TSGA10: variants seen among roughly 807,000 people sequenced by gnomAD.
TSGA10 encodes testis-specific gene 10 protein.
TSGA10 carries 43 observed loss-of-function variants against 96.6 expected under a neutral mutation model. The observed-to-expected ratio is 0.44, with a 90% CI of 0.35 to 0.57. The LOEUF is 0.57. TSGA10 is among the 20% of genes least tolerant of loss of function. TSGA10 has a pLI of 0.01. For synonymous variants in TSGA10, 229 were observed against 269.9 expected (o/e 0.85, Z 1.48); for missense variants, 703 against 834.4 (o/e 0.84, Z 1.94).
At chr2:99,152,122 C>T (rs1043315288) in intron 1 of TSGA10, among the ~76,000 whole-genome samples, 1 of 152,116 alleles carries the variant, frequency 6.6e-6, no homozygotes, top group African/African-American at 2.4e-5. Context: ...GTGCTTGGTG[C>T]TGGAGATACA....
chr2:99,142,377 G>A (rs1468441742), intron 1 of TSGA10: 1 of 152,172 alleles, frequency 6.6e-6, no homozygotes. Context: ...CGTTTGAGGA[G>A]ACTAACAATT....
At chr2:99,075,861 T>C (rs1233837983) in intron 12 of TSGA10, among the ~76,000 whole-genome samples, 1 of 152,196 alleles carries the variant, frequency 6.6e-6, no homozygotes, top group East Asian at 1.9e-4. Context: ...TGCTTCTAAA[T>C]GTTAGTGTTG....
intron 7 of TSGA10, among the ~76,000 whole-genome samples, chr2:99,108,321 G>T (rs939224626): frequency 6.6e-6 from 1 of 152,060 alleles, no homozygotes; most frequent in Non-Finnish European, 1.5e-5. Flanking sequence ...ACTTTTAAAA[G>T]AAGTTATATG....
chr2:99,057,814 G>C (rs939484448), intron 16 of TSGA10, among the ~76,000 whole-genome samples: 1 of 152,092 alleles, frequency 6.6e-6, no homozygotes, highest in African/African-American at 2.4e-5. Context: ...TGAAAACAAA[G>C]CAGGAGGACT....
chr2:99,025,648 CCT>C (rs913640273), intron 17 of TSGA10, among the ~76,000 whole-genome samples: 69 of 152,124 alleles, frequency 4.5e-4, no homozygotes, highest in African/African-American at 1.6e-3. Context: ...TAGTTTGTTC[CCT>C]TTTTCCAGTG....
intron 12 of TSGA10, among the ~76,000 whole-genome samples, chr2:99,075,451 A>C (rs2104547914): frequency 1.3e-5 from 2 of 152,286 alleles, no homozygotes; most frequent in Middle Eastern, 3.4e-3. Flanking sequence ...TTTAATTGGT[A>C]GCAAGTAGTA....
intron 10 of TSGA10, among the ~76,000 whole-genome samples, chr2:99,090,961 G>A (rs752855801): frequency 1.2e-4 from 18 of 152,082 alleles, no homozygotes; most frequent in Non-Finnish European, 2.1e-4. Flanking sequence ...CATCACCTAG[G>A]CACATAGTCA....
At chr2:99,058,385 G>GACCT (rs2084244594) in intron 16 of TSGA10, among the ~76,000 whole-genome samples, 1 of 152,034 alleles carries the variant, frequency 6.6e-6, no homozygotes, top group Non-Finnish European at 1.5e-5. Context: ...GCTTAGAAAA[G>GACCT]AAGAATGGGC....
chr2:99,132,725 G>C (rs1416120903), intron 1 of TSGA10, among the ~76,000 whole-genome samples: 2 of 152,114 alleles, frequency 1.3e-5, no homozygotes, highest in Non-Finnish European at 1.5e-5. Flanking sequence ...GATCTTTCCT[G>C]CTGTCTCCTG....
intron 20 of TSGA10, among the ~76,000 whole-genome samples, chr2:99,004,247 G>A (rs1178025675): frequency 2.0e-5 from 3 of 152,082 alleles, no homozygotes; most frequent in Non-Finnish European, 4.4e-5. Flanking sequence ...GACTAAACCA[G>A]GAAGAAGTTG....
chr2:99,078,866 T>C, intron 11 of TSGA10, 53 bp from the exon 12 acceptor site: 3 of 1,475,482 alleles, frequency 2.0e-6, no homozygotes, highest in Non-Finnish European at 2.7e-6. Flanking sequence ...ATCTTTTTTC[T>C]ATTTCAAGCA....
intron 12 of TSGA10, among the ~76,000 whole-genome samples, chr2:99,073,983 C>CTGTTCCTG (rs1346236086): frequency 3.9e-5 from 4 of 102,266 alleles, no homozygotes; most frequent in Non-Finnish European, 6.2e-5. Flanking sequence ...CCAACCAATT[C>CTGTTCCTG]TGTTCCTGTT....
intron 16 of TSGA10, among the ~76,000 whole-genome samples, chr2:99,039,285 A>G (rs962061906): frequency 2.6e-5 from 4 of 151,372 alleles, no homozygotes; most frequent in African/African-American, 9.7e-5. Context: ...CAAAGATCAG[A>G]GCAGAATTAA....
At chr2:99,081,240 C>T (rs748893213) in intron 11 of TSGA10, 42 bp downstream of exon 11, 5 of 1,189,774 alleles carry the variant, frequency 4.2e-6, no homozygotes, top group Non-Finnish European at 6.0e-6. Flanking sequence ...TGCTACCAAA[C>T]TTAAGAAAAA....
At chr2:99,144,649 C>CAAAAAAAA (rs70940140) in intron 1 of TSGA10, among the ~76,000 whole-genome samples, 5,607 of 52,028 alleles carry the variant, frequency 0.11, 893 homozygotes, top group Non-Finnish European at 0.15. Flanking sequence ...AACTCTGTCT[C>CAAAAAAAA]AAAAAAAAAA....
At chr2:99,132,691 C>T (rs13014232) in intron 1 of TSGA10, among the ~76,000 whole-genome samples, 89,813 of 151,872 alleles carry the variant, frequency 0.59, 27,500 homozygotes, top group East Asian at 0.88. Flanking sequence ...TTCTTTTAAT[C>T]ATGATGTTAG....
chr2:99,056,945 T>C (rs2084072122), intron 16 of TSGA10, among the ~76,000 whole-genome samples: 1 of 151,588 alleles, frequency 6.6e-6, no homozygotes, highest in Non-Finnish European at 1.5e-5. Flanking sequence ...TAATGTAATA[T>C]ACTATATCTA....
At chr2:99,076,555 T>C (rs749231026) in intron 12 of TSGA10, among the ~76,000 whole-genome samples, 1 of 152,038 alleles carries the variant, frequency 6.6e-6, no homozygotes, top group South Asian at 2.1e-4. Flanking sequence ...GATATAGATA[T>C]AGATACATGA....
At chr2:99,009,688 G>C (rs2078839101) in intron 20 of TSGA10, among the ~76,000 whole-genome samples, 1 of 151,380 alleles carries the variant, frequency 6.6e-6, no homozygotes, top group African/African-American at 2.4e-5. Flanking sequence ...TAACTACATT[G>C]ATATTGTTGA....
Sources: allele counts gnomAD v4.1 joint callset (sites outside exome capture counted in the v4.1 genomes callset), GRCh38; gene constraint gnomAD v4.1.1; transcripts MANE v1.5; gene names NCBI Gene and HGNC (gene_info 2026-07-23, HGNC 2026-07-21).